The following MECR variants were observed in gnomAD, a reference collection of about 807,000 sequenced individuals.
MECR encodes the protein mitochondrial trans-2-enoyl-CoA reductase.
In MECR, 37 loss-of-function variants were observed where a neutral mutation model predicts 49.1. The observed-to-expected ratio is 0.75, with a 90% CI of 0.58 to 0.99. The LOEUF is 0.99. MECR is among the 50% of genes least tolerant of loss of function. The probability of loss-of-function intolerance (pLI) is 0.00; values close to 1 mark genes in which losing one functional copy is unlikely to be tolerated. For missense variants in MECR, 470 were observed against 479.6 expected (o/e 0.98, Z 0.19); for synonymous variants, 198 against 191.1 (o/e 1.04, Z -0.30).
intron 1 of MECR, among the ~76,000 whole-genome samples, chr1:29,219,721 AC>A (rs1680300651): frequency 6.6e-6 from 1 of 152,204 alleles, no homozygotes; most frequent in Non-Finnish European, 1.5e-5. Context: ...CTGTTGTAGC[AC>A]CCTGTGATCA....
the MECR span, among the ~76,000 whole-genome samples, chr1:29,174,437 C>A: frequency 6.6e-6 from 1 of 151,988 alleles, no homozygotes. Flanking sequence ...ATAAAGATAA[C>A]CTAAATGCCT....
chr1:29,185,379 G>C, the MECR span, among the ~76,000 whole-genome samples: 1 of 152,086 alleles, frequency 6.6e-6, no homozygotes, highest in Non-Finnish European at 1.5e-5. Context: ...CTCCTGAGTA[G>C]CTGGGACTAC....
rs1673373058 is a variant in MECR at position 29,194,091 on chromosome 1, C to T, written c.1053G>A (p.Gln351=). The T allele has an allele frequency of 6.2e-7, 1 of 1,614,020 alleles. No homozygotes were observed. Among genetic ancestry groups the T allele is most frequent in the African/African-American group, 1.3e-5 (1 of 74,932 alleles). ...AGGCTTCCAAGGCAGACTGGTAGTCCTGCAGCGGGACCTGGGAGCAGGCAG... is the reference window on the plus strand; with the variant it reads ...AGGCTTCCAAGGCAGACTGGTAGTCTTGCAGCGGGACCTGGGAGCAGGCAG... ...TAPACSQVPL[Q]DYQSALEASM... is the part of the protein sequence containing the mutation. The change falls in exon 10 of 10, where the codon CAG becomes CAA. Residue 351 remains glutamine (Q), a synonymous_variant. Transcript: ENST00000263702.
the MECR span, among the ~76,000 whole-genome samples, chr1:29,184,069 G>C: frequency 6.8e-6 from 1 of 146,536 alleles, no homozygotes; most frequent in Non-Finnish European, 1.5e-5. Flanking sequence ...TAGTAGAGAA[G>C]GGGTTTCACT....
At chr1:29,202,820 T>C (rs1675638730) in intron 5 of MECR, among the ~76,000 whole-genome samples, 1 of 152,082 alleles carries the variant, frequency 6.6e-6, no homozygotes, top group Non-Finnish European at 1.5e-5. Flanking sequence ...AAATATCAAC[T>C]GGGGTTTTGA....
chr1:29,196,838 TATAA>T (rs983133769), intron 7 of MECR, among the ~76,000 whole-genome samples: 1 of 151,926 alleles, frequency 6.6e-6, no homozygotes, highest in African/African-American at 2.4e-5. Flanking sequence ...ACCCTGTGTC[TATAA>T]ATAATAATAA....
Position 29,209,518 on chromosome 1 carries a change from T to C in MECR, c.407-2613A>G, listed in dbSNP as rs1035167682. On this transcript the variant is annotated intron_variant, in intron 3 of 9. Coordinates refer to ENST00000263702, the MANE Select transcript of MECR (RefSeq NM_016011.5). ...GCAGCGTGGAAGCCAGAGGTCTTTG[T>C]GGGGGTCGAGGTATGAGATGATGGC... Among the ~76,000 whole-genome samples, 8 of 152,162 alleles carry C rather than the reference T, an allele frequency of 5.3e-5. No homozygotes were observed. In the East Asian group the frequency reaches 1.4e-3, roughly 26 times the overall value.
At position 29,194,139 on chromosome 1, in the gene MECR, G is replaced by A; in HGVS notation, c.1005C>T (p.Ile335=). Residue 335 remains isoleucine (I), a synonymous_variant, in exon 10 of 10, where the codon ATC becomes ATT. Coordinates refer to ENST00000263702, the MANE Select transcript of MECR (RefSeq NM_016011.5). ...KELILTLCDL[I]RRGQLTAPAC... ...CAGGGGCTGTGAGCTGGCCTCGGCG[G>A]ATGAGATCGCACAGTGTGAGGATCA... 6.2e-7 allele frequency: 1 copy of A among 1,613,826 alleles called. No individual in the cohort carries two copies. Among genetic ancestry groups the A allele is most frequent in the Non-Finnish European group, 8.5e-7 (1 of 1,179,850 alleles).
At chr1:29,221,003 T>C in intron 1 of MECR, 1 of 739,574 alleles carries the variant, frequency 1.4e-6, no homozygotes, top group Non-Finnish European at 1.7e-6. Flanking sequence ...CAAATATTTA[T>C]GGACAGTCGA....
At chr1:29,170,823 A>G in the MECR span, 1 of 150,256 alleles carries the variant, frequency 6.7e-6, no homozygotes, top group African/African-American at 2.5e-5. Context: ...TCTTCTCTCT[A>G]GGTCTTGGGG....
intron 7 of MECR, among the ~76,000 whole-genome samples, chr1:29,197,411 C>T (rs552580253): frequency 6.6e-6 from 1 of 152,272 alleles, no homozygotes; most frequent in Admixed American, 6.5e-5. Context: ...GCAGGAGGTG[C>T]CTTCTCAGTA....
At chr1:29,208,530 T>C (rs1375087184) in intron 3 of MECR, among the ~76,000 whole-genome samples, 2 of 152,182 alleles carry the variant, frequency 1.3e-5, no homozygotes, top group Non-Finnish European at 2.9e-5. Flanking sequence ...GAGCATCAAC[T>C]CCCAGCCCAC....
intron 4 of MECR, among the ~76,000 whole-genome samples, chr1:29,204,928 A>T (rs1676204865): frequency 6.6e-6 from 1 of 152,280 alleles, no homozygotes; most frequent in South Asian, 2.1e-4. Context: ...GCTTTCAGCC[A>T]GGCCTTGGAC....
the MECR span, chr1:29,181,848 G>C: frequency 4.7e-6 from 5 of 1,062,274 alleles, no homozygotes; most frequent in East Asian, 3.3e-5. Context: ...CGGCGGCAAC[G>C]GGCGGGCGGC....
rs2151929654 is a variant in MECR, at chr1:29,230,735, C to T, written c.172G>A (p.Val58Ile). The T allele has an allele frequency of 5.1e-6, 8 of 1,577,230 alleles. No homozygotes were observed. The highest frequency in any genetic ancestry group is 2.3e-5 in the East Asian group (1 of 43,466). ...YGHHGDPAKV[V>I]ELKNLELAAV... is the part of the protein sequence containing the mutation. Reference sequence around the variant, plus strand: ...GGCTTCGGCGCCGTCTCTTACTCGACGACCTTGGCTGGATCCCCGTGGTGC... The same window carrying T: ...GGCTTCGGCGCCGTCTCTTACTCGATGACCTTGGCTGGATCCCCGTGGTGC... Residue 58 changes from valine to isoleucine, a missense_variant, in exon 1 of 10, where the codon GTC (valine) becomes ATC (isoleucine). Coordinates refer to ENST00000263702, the MANE Select transcript of MECR (RefSeq NM_016011.5).
intron 1 of MECR, among the ~76,000 whole-genome samples, chr1:29,228,676 A>C (rs901206536): frequency 8.6e-5 from 13 of 151,860 alleles, no homozygotes; most frequent in African/African-American, 3.2e-4. Context: ...GACATAATAG[A>C]AGCTTTTTTT....
the MECR span, among the ~76,000 whole-genome samples, chr1:29,177,574 G>A: frequency 6.6e-6 from 1 of 152,114 alleles, no homozygotes; most frequent in African/African-American, 2.4e-5. Context: ...GAGCCACCGT[G>A]CCAGGCCCTT....
At chr1:29,185,267 G>A in the MECR span, among the ~76,000 whole-genome samples, 1 of 151,684 alleles carries the variant, frequency 6.6e-6, no homozygotes, top group African/African-American at 2.4e-5. Context: ...TTTATTTTTT[G>A]AGACAGAGTT....
downstream of MECR, among the ~76,000 whole-genome samples, chr1:29,190,526 G>C (rs1040815950): frequency 1.3e-5 from 2 of 152,014 alleles, no homozygotes; most frequent in African/African-American, 4.8e-5. Flanking sequence ...GGGCGCAGTG[G>C]CTTACACCTG....
Sources: allele counts gnomAD v4.1 joint callset (sites outside exome capture counted in the v4.1 genomes callset), GRCh38; gene constraint gnomAD v4.1.1; transcripts MANE v1.5; gene names NCBI Gene and HGNC (gene_info 2026-07-23, HGNC 2026-07-21).